SUMF1: variants seen among roughly 807,000 people sequenced by gnomAD.
SUMF1 encodes sulfatase modifying factor 1.
SUMF1 carries 48 observed loss-of-function variants against 47.6 expected under a neutral mutation model. The observed-to-expected ratio is 1.01, with a 90% CI of 0.80 to 1.28. The LOEUF (loss-of-function observed/expected upper bound fraction) is 1.28. Among genes scored for constraint, SUMF1 ranks in the 50% most tolerant of loss-of-function variants. SUMF1 has a pLI of 0.00. For missense variants in SUMF1, 571 were observed against 485.4 expected (o/e 1.18, Z -1.66); for synonymous variants, 230 against 192.1 (o/e 1.20, Z -1.63).
chr3:4,287,823 T>C (rs546842195), intron 8 of SUMF1, among the ~76,000 whole-genome samples: 19 of 152,356 alleles, frequency 1.2e-4, no homozygotes, highest in African/African-American at 4.1e-4. Flanking sequence ...TAGTTGTTTG[T>C]GCTTAGAAAA....
downstream of SUMF1, among the ~76,000 whole-genome samples, chr3:4,359,038 C>G (rs1052648044): frequency 6.6e-6 from 1 of 152,140 alleles, no homozygotes; most frequent in African/African-American, 2.4e-5. Context: ...CTGCCTCTAC[C>G]CCAATTTTCC....
At chr3:4,212,334 AG>A in intron 8 of SUMF1, among the ~76,000 whole-genome samples, 1 of 152,296 alleles carries the variant, frequency 6.6e-6, no homozygotes, top group East Asian at 1.9e-4. Context: ...CCTGCGGCAG[AG>A]GGGCCTGATT....
chr3:4,156,446 TA>T (rs1211318707), intron 8 of SUMF1, among the ~76,000 whole-genome samples: 35 of 151,576 alleles, frequency 2.3e-4, no homozygotes. Context: ...TGTTCCCCAC[TA>T]TATCTTCAAT....
chr3:4,268,181 A>C (rs1023996631), intron 8 of SUMF1, among the ~76,000 whole-genome samples: 12 of 152,138 alleles, frequency 7.9e-5, no homozygotes, highest in Non-Finnish European at 1.3e-4. Flanking sequence ...GTGGGAACTG[A>C]ACAATGGGAA....
At chr3:4,311,910 T>C (rs1002142140) in intron 8 of SUMF1, among the ~76,000 whole-genome samples, 9 of 152,202 alleles carry the variant, frequency 5.9e-5, no homozygotes, top group African/African-American at 2.2e-4. Context: ...CTGAAATCAG[T>C]TTGAAAATAT....
At chr3:4,078,500 T>C (rs1692488891) in intron 8 of SUMF1, among the ~76,000 whole-genome samples, 1 of 152,104 alleles carries the variant, frequency 6.6e-6, no homozygotes, top group African/African-American at 2.4e-5. Context: ...TAGGAGCCTC[T>C]AAAAAAATGA....
chr3:4,418,130 G>A lies in SUMF1; in HGVS notation c.605C>T (p.Pro202Leu), dbSNP rs147775545. Reference sequence around the variant, plus strand: ...GGACACATGGAGAACTGGATGATCCGGCCTGGGGAAGAGCAAAAGTAGAAT... The same window carrying A: ...GGACACATGGAGAACTGGATGATCCAGCCTGGGGAAGAGCAAAAGTAGAAT... Reference protein sequence around the residue: ...EGPDSTILHRPDHPVLHVSWN... With the variant: ...EGPDSTILHRLDHPVLHVSWN... Residue 202 changes from proline (P) to leucine (L), a missense_variant and splice_region_variant, in exon 5 of 9, where the codon CCG becomes CTG. By Grantham distance (98) the Pro-to-Leu change is moderately conservative. Coordinates refer to ENST00000272902, the MANE Select transcript of SUMF1 (RefSeq NM_182760.4). 67 of 1,613,902 alleles carry A rather than the reference G, an allele frequency of 4.2e-5. No homozygotes were observed. In the African/African-American group the frequency reaches 5.1e-4, roughly 12 times the overall value.
chr3:4,401,221 A>G (rs376259088), intron 7 of SUMF1, among the ~76,000 whole-genome samples: 144 of 152,150 alleles, frequency 9.5e-4, no homozygotes, highest in African/African-American at 3.2e-3. Flanking sequence ...TCACTGATGG[A>G]CATTTGGGTT....
intron 3 of SUMF1, among the ~76,000 whole-genome samples, chr3:4,432,322 C>A (rs1702258212): frequency 6.6e-6 from 1 of 151,806 alleles, no homozygotes; most frequent in South Asian, 2.1e-4. Flanking sequence ...TTCTCTCTTC[C>A]TACCACCTGG....
intron 8 of SUMF1, among the ~76,000 whole-genome samples, chr3:4,263,648 T>C (rs1397400104): frequency 6.6e-6 from 1 of 152,196 alleles, no homozygotes; most frequent in Non-Finnish European, 1.5e-5. Flanking sequence ...AGACTATTCT[T>C]TGCCTATAAA....
chr3:4,103,342 T>A (rs1693080896), intron 8 of SUMF1, among the ~76,000 whole-genome samples: 1 of 152,088 alleles, frequency 6.6e-6, no homozygotes, highest in Admixed American at 6.6e-5. Context: ...CCATATTAGA[T>A]GAATTATAAC....
intron 8 of SUMF1, among the ~76,000 whole-genome samples, chr3:4,265,237 C>T (rs545339558): frequency 6.6e-6 from 1 of 150,982 alleles, no homozygotes; most frequent in Non-Finnish European, 1.5e-5. Context: ...ATTTTTGCTA[C>T]TATTCTATTT....
chr3:4,084,996 C>G (rs1345535403), intron 8 of SUMF1, among the ~76,000 whole-genome samples: 1 of 151,846 alleles, frequency 6.6e-6, no homozygotes, highest in African/African-American at 2.4e-5. Context: ...TGTCTTGATT[C>G]ATTTATTCAG....
intron 8 of SUMF1, chr3:4,313,833 T>G: frequency 3.8e-6 from 6 of 1,593,210 alleles, no homozygotes; most frequent in Non-Finnish European, 5.1e-6. Context: ...GCTTTACCTC[T>G]GCCTAGTTAC....
chr3:4,190,157 G>C (rs527838175), intron 8 of SUMF1, among the ~76,000 whole-genome samples: 1 of 148,494 alleles, frequency 6.7e-6, no homozygotes, highest in South Asian at 2.2e-4. Context: ...GCTTTAAACA[G>C]TTTTTAAATG....
At chr3:4,265,036 G>A (rs1344540968) in intron 8 of SUMF1, among the ~76,000 whole-genome samples, 2 of 150,470 alleles carry the variant, frequency 1.3e-5, no homozygotes, top group African/African-American at 4.9e-5. Context: ...AGGAGGCTGA[G>A]TGAGACAGGA....
intron 8 of SUMF1, among the ~76,000 whole-genome samples, chr3:4,102,765 C>T (rs575201796): frequency 1.3e-5 from 2 of 151,330 alleles, no homozygotes; most frequent in Non-Finnish European, 2.9e-5. Context: ...TTGATAGGTG[C>T]TTGATAAATT....
At chr3:4,360,387 G>A (rs1255270169), downstream of SUMF1, among the ~76,000 whole-genome samples, 1 of 151,666 alleles carries the variant, frequency 6.6e-6, no homozygotes, top group African/African-American at 2.4e-5. Context: ...GAATGCAATG[G>A]CGCGATCTCG....
chr3:4,319,814 A>G (rs1698785274), intron 8 of SUMF1, among the ~76,000 whole-genome samples: 1 of 152,210 alleles, frequency 6.6e-6, no homozygotes, highest in South Asian at 2.1e-4. Context: ...ATGGAATACT[A>G]TTCAACAATA....
Sources: allele counts gnomAD v4.1 joint callset (sites outside exome capture counted in the v4.1 genomes callset), GRCh38; gene constraint gnomAD v4.1.1; transcripts MANE v1.5; gene names NCBI Gene and HGNC (gene_info 2026-07-23, HGNC 2026-07-21).